THSD4: variants seen among roughly 807,000 people sequenced by gnomAD.
THSD4 encodes thrombospondin type-1 domain-containing protein 4.
THSD4 carries 69 observed loss-of-function variants against 119.0 expected under a neutral mutation model. The observed-to-expected ratio is 0.58, with a 90% confidence interval of 0.48 to 0.71. THSD4 has a LOEUF of 0.71. Ranked by LOEUF, THSD4 falls within the 30% of genes least tolerant of loss-of-function variation. The pLI is 0.00. For synonymous variants in THSD4, 524 were observed against 540.4 expected, an observed-to-expected ratio of 0.97 and a Z score of 0.42; for missense variants, 1,393 against 1,391.1, an observed-to-expected ratio of 1.00 and a Z score of -0.02.
intron 7 of THSD4, among the ~76,000 whole-genome samples, chr15:71,554,043 A>G (rs1004341572): frequency 1.4e-5 from 2 of 146,296 alleles, no homozygotes; most frequent in African/African-American, 2.5e-5. Flanking sequence ...ATCTTTTTGT[A>G]TGCTTTGAAA....
intron 8 of THSD4, among the ~76,000 whole-genome samples, chr15:71,719,011 A>G (rs1423456671): frequency 6.6e-6 from 1 of 152,250 alleles, no homozygotes; most frequent in African/African-American, 2.4e-5. Flanking sequence ...GATCAATTTC[A>G]TACAACATTA....
upstream of THSD4, chr15:71,111,503 C>T (rs1293770966): frequency 7.0e-6 from 7 of 997,956 alleles, no homozygotes; most frequent in Non-Finnish European, 1.0e-5. Flanking sequence ...TTAGAAACAG[C>T]TCAAAATAAC....
Position 71,564,857 on chromosome 15 carries a change from A to T in THSD4, c.1153-95673A>T, listed in dbSNP as rs983523136. Among the ~76,000 whole-genome samples the T allele has an allele frequency of 1.1e-4, 14 of 130,948 alleles. 1 individual carries two copies. Among genetic ancestry groups the T allele is most frequent in the Admixed American group, 3.2e-4 (4 of 12,554 alleles). 85.9% of individuals were successfully genotyped at this position (130,948 alleles called of 152,430 possible). A position where few individuals can be genotyped will look rare whatever the true frequency, so the allele number is the denominator to read the frequency against. ...ATTGTATATTATAACATATAATACA[A>T]TATATTGTATATTATATAACATCCC... is the stretch of plus-strand genomic sequence containing the variant. On this transcript the variant is annotated intron_variant, in intron 7 of 17. Coordinates refer to ENST00000261862, the MANE Select transcript of THSD4 (RefSeq NM_024817.3).
Position 71,782,133 on chromosome 15 carries a change from A to G in THSD4, c.*4759A>G, listed in dbSNP as rs1398024891. The G allele has an allele frequency of 1.3e-5, 2 of 152,234 alleles. No individual in the cohort carries two copies. The highest frequency in any genetic ancestry group is 2.9e-5 in the Non-Finnish European group (2 of 68,078). The allele number at this position is 152,234 out of a possible 1,614,324, so 9.4% of individuals were successfully genotyped here. On this transcript the variant is annotated 3_prime_UTR_variant, in exon 18 of 18. Coordinates refer to ENST00000261862, the MANE Select transcript of THSD4 (RefSeq NM_024817.3). ...AGAGCCATGGCTTGCCTAGGACCCT[A>G]TAGATACCATCACTCTTTCTCAGCT... is the stretch of plus-strand genomic sequence containing the variant.
chr15:71,663,718 G>A (rs554851665), intron 8 of THSD4, among the ~76,000 whole-genome samples: 3 of 152,040 alleles, frequency 2.0e-5, no homozygotes, highest in African/African-American at 4.8e-5. Flanking sequence ...TGAACTCTTC[G>A]ACGGCTATTT....
chr15:71,436,710 A>G (rs892313930), intron 7 of THSD4, among the ~76,000 whole-genome samples: 2 of 152,226 alleles, frequency 1.3e-5, no homozygotes, highest in Admixed American at 1.3e-4. Context: ...TTATTCTAAC[A>G]TGCATAGCAC....
intron 8 of THSD4, among the ~76,000 whole-genome samples, chr15:71,674,754 T>G (rs1030443629): frequency 1.3e-5 from 2 of 152,074 alleles, no homozygotes; most frequent in African/African-American, 2.4e-5. Flanking sequence ...ATTGTTACAG[T>G]GAGGGCAGAG....
chr15:71,456,451 C>T (rs1488988622), intron 7 of THSD4, among the ~76,000 whole-genome samples: 1 of 152,174 alleles, frequency 6.6e-6, no homozygotes, highest in East Asian at 1.9e-4. Flanking sequence ...GATGAAGGCA[C>T]TGTGCTAAGC....
chr15:71,147,598 T>G (rs1276731929), intron 2 of THSD4: 1 of 152,212 alleles, frequency 6.6e-6, no homozygotes. Context: ...GCTGCAAAGG[T>G]GTATCAGAAA....
intron 6 of THSD4, among the ~76,000 whole-genome samples, chr15:71,402,232 A>AAT (rs2046546152): frequency 6.6e-6 from 1 of 151,744 alleles, no homozygotes; most frequent in African/African-American, 2.4e-5. Flanking sequence ...TAATAATTAA[A>AAT]AAAAAAAAGA....
At chr15:71,748,839 A>G (rs1457687188) in intron 14 of THSD4, among the ~76,000 whole-genome samples, 2 of 152,226 alleles carry the variant, frequency 1.3e-5, no homozygotes, top group South Asian at 2.1e-4. Flanking sequence ...TGGTCACTCC[A>G]TAATACTAGG....
intron 6 of THSD4, among the ~76,000 whole-genome samples, chr15:71,365,131 T>TTTTGTGTGTGTGTGTGTGTGTG (rs147188266): frequency 1.3e-4 from 17 of 135,820 alleles, no homozygotes; most frequent in Non-Finnish European, 2.5e-4. Flanking sequence ...GCCCCCCCCA[T>TTTTGTGTGTGTGTGTGTGTGTG]TGTGTGTGTG....
chr15:71,193,680 T>C (rs1341210194), intron 3 of THSD4, among the ~76,000 whole-genome samples: 1 of 151,586 alleles, frequency 6.6e-6, no homozygotes. Context: ...CTCACGGTAG[T>C]GAATAAGTCT....
intron 6 of THSD4, among the ~76,000 whole-genome samples, chr15:71,405,679 C>T (rs1228821574): frequency 1.3e-5 from 2 of 152,088 alleles, no homozygotes; most frequent in Admixed American, 6.5e-5. Context: ...GGATTACCTT[C>T]AGAAAAATAA....
At chr15:71,313,386 C>T (rs1408424250) in intron 6 of THSD4, among the ~76,000 whole-genome samples, 1 of 152,136 alleles carries the variant, frequency 6.6e-6, no homozygotes, top group Non-Finnish European at 1.5e-5. Context: ...CATTCCCTGC[C>T]CCAGTTATCA....
intron 7 of THSD4, among the ~76,000 whole-genome samples, chr15:71,650,424 C>T (rs2051060322): frequency 6.6e-6 from 1 of 152,206 alleles, no homozygotes; most frequent in Admixed American, 6.5e-5. Context: ...TTCTAAAATG[C>T]CCCAGACGAT....
intron 3 of THSD4, among the ~76,000 whole-genome samples, chr15:71,195,868 A>G (rs1171695936): frequency 3.3e-5 from 5 of 152,308 alleles, no homozygotes; most frequent in Middle Eastern, 3.4e-3. Context: ...GTCATATTCA[A>G]TAACCTGCAA....
In THSD4 at chr15:71,758,092, G is replaced by C; in HGVS notation, c.2589+17G>C. On this transcript the variant is annotated intron_variant, in intron 15 of 17. Coordinates refer to ENST00000261862, the MANE Select transcript of THSD4 (RefSeq NM_024817.3). ...TGGAGTCAGGTGAGTGGCCAGAACT[G>C]GGTATGTCTGCCTGTGTCAGGCAAA... is the stretch of plus-strand genomic sequence containing the variant. The C allele has an allele frequency of 1.4e-5, 22 of 1,547,254 alleles. No homozygotes were observed. Among genetic ancestry groups the C allele is most frequent in the Non-Finnish European group, 1.8e-5 (21 of 1,142,904 alleles).
chr15:71,316,344 C>A (rs1413107471), intron 6 of THSD4, among the ~76,000 whole-genome samples: 1 of 152,124 alleles, frequency 6.6e-6, no homozygotes, highest in Non-Finnish European at 1.5e-5. Context: ...AAACCTTAAC[C>A]CCCCTGCTCC....
Sources: gnomAD v4.1 joint callset for allele counts (sites outside exome capture counted in the v4.1 genomes callset) on GRCh38, gnomAD v4.1.1 for gene constraint, MANE v1.5 for transcripts, NCBI Gene and HGNC (gene_info 2026-07-23, HGNC 2026-07-21) for gene names.